Variants in EHBP1 observed in about 807,000 individuals in gnomAD.
The protein encoded by EHBP1 is EH domain binding protein 1.
In EHBP1, 55 loss-of-function variants were observed where a neutral mutation model predicts 144.0. The observed-to-expected ratio is 0.38, with a 90% CI of 0.31 to 0.48. The LOEUF (loss-of-function observed/expected upper bound fraction) is 0.48, where lower values mean the gene tolerates loss of function less well. Ranked by LOEUF, EHBP1 falls within the 20% of genes least tolerant of loss-of-function variation. The pLI is 0.98. For missense variants in EHBP1, 1,200 were observed against 1,364.2 expected, an observed-to-expected ratio of 0.88 and a Z score of 1.90; for synonymous variants, 469 against 472.7, an observed-to-expected ratio of 0.99 and a Z score of 0.10.
At chr2:62,775,075 A>G (rs2041962769) in intron 5 of EHBP1, among the ~76,000 whole-genome samples, 1 of 152,238 alleles carries the variant, frequency 6.6e-6, no homozygotes, top group African/African-American at 2.4e-5. Flanking sequence ...TTATGATTAC[A>G]TAGTTATAAT....
chr2:62,769,187 C>T (rs529129553), intron 4 of EHBP1, among the ~76,000 whole-genome samples: 6 of 152,170 alleles, frequency 3.9e-5, no homozygotes, highest in East Asian at 3.9e-4. Flanking sequence ...AGAAATAAAG[C>T]GCATCCAAAT....
chr2:62,698,936 T>C (rs927296341), intron 1 of EHBP1, among the ~76,000 whole-genome samples: 8 of 152,250 alleles, frequency 5.3e-5, no homozygotes, highest in African/African-American at 1.9e-4. Flanking sequence ...CCTTGGCTCA[T>C]GCCCAGTGCC....
At chr2:62,699,545 T>A (rs1182080909) in intron 1 of EHBP1, among the ~76,000 whole-genome samples, 1 of 152,208 alleles carries the variant, frequency 6.6e-6, no homozygotes, top group Non-Finnish European at 1.5e-5. Flanking sequence ...ATTATGAAAG[T>A]ATCTTAAGTA....
At chr2:62,997,380 G>A (rs2059675779) in intron 19 of EHBP1, among the ~76,000 whole-genome samples, 1 of 149,292 alleles carries the variant, frequency 6.7e-6, no homozygotes, top group Non-Finnish European at 1.5e-5. Flanking sequence ...GATTGCCAAT[G>A]GTGATTGAAT....
chr2:62,676,085 A>T (rs1396191520), intron 1 of EHBP1, among the ~76,000 whole-genome samples: 1 of 151,862 alleles, frequency 6.6e-6, no homozygotes, highest in Non-Finnish European at 1.5e-5. Flanking sequence ...AAAGTTTCTT[A>T]ATTAAGCAAG....
At chr2:62,735,669 T>C (rs2038054148) in intron 2 of EHBP1, among the ~76,000 whole-genome samples, 1 of 152,230 alleles carries the variant, frequency 6.6e-6, no homozygotes, top group Non-Finnish European at 1.5e-5. Flanking sequence ...ACTTTCCTTC[T>C]GTCTAAAGAG....
chr2:62,778,013 A>G (rs2042161937), intron 5 of EHBP1, among the ~76,000 whole-genome samples: 1 of 152,198 alleles, frequency 6.6e-6, no homozygotes, highest in South Asian at 2.1e-4. Context: ...TAATAGGCAT[A>G]AGATTAACTT....
chr2:62,844,678 G>A (rs7340160), intron 7 of EHBP1, among the ~76,000 whole-genome samples: 2 of 152,116 alleles, frequency 1.3e-5, no homozygotes, highest in African/African-American at 4.8e-5. Context: ...GTAAAGACAA[G>A]GCCCTGATGA....
chr2:63,006,474 T>G (rs565326319), intron 19 of EHBP1, among the ~76,000 whole-genome samples: 1 of 152,030 alleles, frequency 6.6e-6, no homozygotes, highest in African/African-American at 2.4e-5. Flanking sequence ...CATACAACTA[T>G]TAGATAGAAA....
At chr2:62,903,757 C>A (rs552231877) in intron 10 of EHBP1, among the ~76,000 whole-genome samples, 21 of 147,646 alleles carry the variant, frequency 1.4e-4, no homozygotes, top group African/African-American at 5.3e-4. Flanking sequence ...TAGAGTGAGA[C>A]CCTGCCTTGA....
intron 7 of EHBP1, among the ~76,000 whole-genome samples, chr2:62,845,492 C>T (rs983830481): frequency 6.6e-6 from 1 of 152,052 alleles, no homozygotes; most frequent in African/African-American, 2.4e-5. Flanking sequence ...TATGACTCAG[C>T]CCTCTGAGAT....
rs185042106 is a variant in EHBP1 at position 62,689,273 on chromosome 2, T to C, written c.-296+15190T>C. On this transcript the variant is annotated intron_variant, in intron 1 of 22. Transcript: ENST00000405015. ...TAACCTAAATAGAGAAAAAATCAAA[T>C]ATGACAGAAATAAAAGGAGGCTGGT... Among the ~76,000 whole-genome samples, 288 of 152,258 alleles carry C rather than the reference T, an allele frequency of 1.9e-3. 1 individual carries two copies. The highest frequency in any genetic ancestry group is 3.2e-3 in the Non-Finnish European group (216 of 67,998).
intron 10 of EHBP1, among the ~76,000 whole-genome samples, chr2:62,889,959 A>ATTT (rs1161025322): frequency 7.7e-5 from 10 of 129,436 alleles, no homozygotes; most frequent in African/African-American, 1.5e-4. Flanking sequence ...TTCCATATGA[A>ATTT]TTTTTTTTTT....
Position 62,993,926 on chromosome 2 carries a change from G to T in EHBP1, c.2928G>T (p.Lys976Asn). The T allele has an allele frequency of 6.3e-7, 1 of 1,591,544 alleles. No homozygotes were observed. Among genetic ancestry groups the T allele is most frequent in the Non-Finnish European group, 8.6e-7 (1 of 1,167,136 alleles). Residue 976 changes from lysine (K) to asparagine (N), a missense_variant, in exon 18 of 23, where the codon AAG becomes AAT. This residue lies in a region of EHBP1 where 543 missense variants were observed against 513.1 expected (regional missense o/e 1.06). Coordinates refer to ENST00000431489, the MANE Select transcript of EHBP1 (RefSeq NM_001142616.3). ...QEDTKKGNEE[K>N]AAITETQRKP... ...ATACAAAGAAAGGAAATGAGGAGAA[G>T]GCAGCGATAACTGAAACTCAGAGGA...
chr2:62,826,348 G>A, intron 6 of EHBP1, 80 bp downstream of exon 6: 1 of 1,310,274 alleles, frequency 7.6e-7, no homozygotes, highest in Non-Finnish European at 1.0e-6. Context: ...ACTGGCAATA[G>A]TTGAACATCT....
At chr2:62,870,715 C>CAAAAA (rs57276181) in intron 9 of EHBP1, among the ~76,000 whole-genome samples, 1 of 90,280 alleles carries the variant, frequency 1.1e-5, no homozygotes, top group Non-Finnish European at 2.1e-5. Flanking sequence ...GACTGCATCT[C>CAAAAA]AAAAAAAAAA....
chr2:62,695,389 G>A (rs764924778), intron 1 of EHBP1, among the ~76,000 whole-genome samples: 2 of 152,034 alleles, frequency 1.3e-5, no homozygotes, highest in Non-Finnish European at 2.9e-5. Flanking sequence ...TCAATGAAAG[G>A]TCAATGAAAA....
chr2:62,915,395 T>C (rs892243097), intron 10 of EHBP1, among the ~76,000 whole-genome samples: 1 of 152,126 alleles, frequency 6.6e-6, no homozygotes, highest in African/African-American at 2.4e-5. Context: ...AATAGGGCTA[T>C]AGGAAAAATA....
At chr2:62,727,449 C>G (rs754032599) in intron 2 of EHBP1, among the ~76,000 whole-genome samples, 3 of 152,096 alleles carry the variant, frequency 2.0e-5, no homozygotes, top group African/African-American at 7.2e-5. Flanking sequence ...AATCCCGTAC[C>G]TGTTAGCAGT....
Sources: gnomAD v4.1 joint callset for allele counts (sites outside exome capture counted in the v4.1 genomes callset) on GRCh38, gnomAD v4.1.1 for gene constraint, gnomAD v4.1.1 regional missense constraint, MANE v1.5 for transcripts, NCBI Gene and HGNC (gene_info 2026-07-23, HGNC 2026-07-21) for gene names.